The following SUGCT variants were observed in gnomAD, a reference collection of about 807,000 sequenced individuals.
SUGCT encodes succinyl-CoA:glutarate CoA-transferase.
SUGCT carries 41 observed loss-of-function variants against 55.0 expected under a neutral mutation model. That is an observed-to-expected ratio of 0.74 (90% confidence interval 0.58 to 0.97). The LOEUF (loss-of-function observed/expected upper bound fraction) is 0.97, where lower values mean the gene tolerates loss of function less well. SUGCT is among the 50% of genes least tolerant of loss of function. SUGCT has a pLI of 0.00. For missense variants in SUGCT, 568 were observed against 547.8 expected (o/e 1.04, Z -0.37); for synonymous variants, 187 against 200.4 (o/e 0.93, Z 0.56).
At chr7:40,600,607 G>A (rs1798244177) in intron 12 of SUGCT, among the ~76,000 whole-genome samples, 1 of 152,120 alleles carries the variant, frequency 6.6e-6, no homozygotes, top group African/African-American at 2.4e-5. Flanking sequence ...TTTGAAAATT[G>A]AAGCCTCAAA....
intron 13 of SUGCT, among the ~76,000 whole-genome samples, chr7:40,790,183 T>C (rs1160802325): frequency 6.6e-6 from 1 of 152,194 alleles, no homozygotes; most frequent in Non-Finnish European, 1.5e-5. Context: ...TGGGAGGTAA[T>C]TGAATCATGG....
chr7:40,143,723 A>G (rs925550743), intron 1 of SUGCT, among the ~76,000 whole-genome samples: 1 of 152,168 alleles, frequency 6.6e-6, no homozygotes, highest in Non-Finnish European at 1.5e-5. Context: ...AGGAGTGGCA[A>G]TTGTTCAGTT....
intron 6 of SUGCT, among the ~76,000 whole-genome samples, chr7:40,233,298 C>A (rs1264030610): frequency 2.6e-5 from 4 of 152,076 alleles, no homozygotes; most frequent in Non-Finnish European, 2.9e-5. Flanking sequence ...CAGCTCACTG[C>A]AAGCTCTGCC....
chr7:40,982,325 AT>A, the SUGCT span, among the ~76,000 whole-genome samples: 1 of 152,166 alleles, frequency 6.6e-6, no homozygotes. Context: ...TCTTGAACAT[AT>A]TATCCTAGGA....
chr7:40,524,647 ATTTC>A (rs1793711899), intron 12 of SUGCT, among the ~76,000 whole-genome samples: 1 of 152,058 alleles, frequency 6.6e-6, no homozygotes, highest in South Asian at 2.1e-4. Context: ...TTCTGTTAAA[ATTTC>A]TTTCTGTTTC....
At chr7:40,273,426 T>A (rs1344191409) in intron 7 of SUGCT, among the ~76,000 whole-genome samples, 8 of 152,162 alleles carry the variant, frequency 5.3e-5, no homozygotes, top group Non-Finnish European at 2.9e-5. Flanking sequence ...AAGTATGAAA[T>A]GTGAGTTTTT....
At chr7:40,204,055 C>G (rs1306759540) in intron 6 of SUGCT, among the ~76,000 whole-genome samples, 1 of 151,710 alleles carries the variant, frequency 6.6e-6, no homozygotes, top group African/African-American at 2.4e-5. Flanking sequence ...GTGGCATGAT[C>G]ATAGCTCACT....
intron 9 of SUGCT, among the ~76,000 whole-genome samples, chr7:40,392,036 A>G (rs965669652): frequency 1.3e-5 from 2 of 152,252 alleles, no homozygotes. Flanking sequence ...TTGCAAGGAC[A>G]GAAAACCAAA....
At chr7:40,973,798 C>T in the SUGCT span, among the ~76,000 whole-genome samples, 1 of 152,092 alleles carries the variant, frequency 6.6e-6, no homozygotes, top group South Asian at 2.1e-4. Context: ...TCTAATAGCC[C>T]TTGTATTTTA....
chr7:40,334,764 C>T, intron 9 of SUGCT, among the ~76,000 whole-genome samples: 1 of 152,156 alleles, frequency 6.6e-6, no homozygotes, highest in East Asian at 1.9e-4. Flanking sequence ...TAATTAGATC[C>T]CATTTGTCAA....
intron 9 of SUGCT, among the ~76,000 whole-genome samples, chr7:40,335,240 T>C (rs1796614857): frequency 6.6e-6 from 1 of 152,228 alleles, no homozygotes; most frequent in African/African-American, 2.4e-5. Context: ...ATGCAGGCCC[T>C]TTTTTGGTTC....
chr7:40,563,877 T>C (rs1042426067), intron 12 of SUGCT, among the ~76,000 whole-genome samples: 2 of 152,184 alleles, frequency 1.3e-5, no homozygotes, highest in Non-Finnish European at 2.9e-5. Flanking sequence ...GGCCTACTTG[T>C]GTATAGCTGC....
At chr7:40,488,066 C>CCATGA (rs1791479698) in intron 11 of SUGCT, among the ~76,000 whole-genome samples, 1 of 151,172 alleles carries the variant, frequency 6.6e-6, no homozygotes, top group African/African-American at 2.4e-5. Context: ...GATGTACTTA[C>CCATGA]AGATAGGTAT....
intron 6 of SUGCT, among the ~76,000 whole-genome samples, chr7:40,202,038 A>G (rs1317546471): frequency 6.6e-6 from 1 of 151,986 alleles, no homozygotes; most frequent in Non-Finnish European, 1.5e-5. Context: ...CAGTGGTGCG[A>G]TCTCGGCTCA....
the SUGCT span, among the ~76,000 whole-genome samples, chr7:40,942,094 G>A: frequency 6.6e-6 from 1 of 151,978 alleles, no homozygotes. Flanking sequence ...TACTATTTCA[G>A]TCATCATGTT....
At chr7:40,354,010 T>C (rs1797767860) in intron 9 of SUGCT, among the ~76,000 whole-genome samples, 1 of 152,162 alleles carries the variant, frequency 6.6e-6, no homozygotes, top group Non-Finnish European at 1.5e-5. Flanking sequence ...GCCTTTTTAA[T>C]AGATAGATGT....
At chr7:40,523,449 G>C (rs1481063641) in intron 12 of SUGCT, among the ~76,000 whole-genome samples, 1 of 152,038 alleles carries the variant, frequency 6.6e-6, no homozygotes, top group Non-Finnish European at 1.5e-5. Context: ...GGATATCTTA[G>C]TATTTTTATA....
At chr7:40,249,743 T>C (rs1277059379) in intron 7 of SUGCT, among the ~76,000 whole-genome samples, 1 of 152,120 alleles carries the variant, frequency 6.6e-6, no homozygotes, top group African/African-American at 2.4e-5. Context: ...GAGTTAATGG[T>C]GGAATAACTT....
At chr7:40,750,728 G>A (rs1405073308) in intron 13 of SUGCT, among the ~76,000 whole-genome samples, 1 of 152,152 alleles carries the variant, frequency 6.6e-6, no homozygotes, top group Non-Finnish European at 1.5e-5. Flanking sequence ...GGAATATTAT[G>A]CATGGATTAA....
Sources: allele counts gnomAD v4.1 joint callset (sites outside exome capture counted in the v4.1 genomes callset), GRCh38; gene constraint gnomAD v4.1.1; transcripts MANE v1.5; gene names NCBI Gene and HGNC (gene_info 2026-07-23, HGNC 2026-07-21).